TTC7B: variants seen among roughly 807,000 people sequenced by gnomAD.
TTC7B encodes the protein tetratricopeptide repeat protein 7B.
A neutral mutation model predicts 106.8 loss-of-function variants in TTC7B; 28 were observed. The observed-to-expected ratio is 0.26, with a 90% CI of 0.19 to 0.36. TTC7B has a LOEUF of 0.36. TTC7B is among the 10% of genes least tolerant of loss of function. The probability of loss-of-function intolerance (pLI) is 1.00; values close to 1 mark genes in which losing one functional copy is unlikely to be tolerated. For synonymous variants in TTC7B, 405 were observed against 430.6 expected (o/e 0.94, Z 0.74); for missense variants, 862 against 1,076.4 (o/e 0.80, Z 2.79).
chr14:90,631,550 A>G (rs911130236), intron 15 of TTC7B, among the ~76,000 whole-genome samples: 8 of 151,690 alleles, frequency 5.3e-5, no homozygotes, highest in African/African-American at 1.9e-4. Context: ...CTGAGACTAC[A>G]GGCACATGTT....
At chr14:90,731,650 T>C (rs893325785) in intron 4 of TTC7B, among the ~76,000 whole-genome samples, 1 of 152,188 alleles carries the variant, frequency 6.6e-6, no homozygotes, top group African/African-American at 2.4e-5. Flanking sequence ...TCCTCCTCTC[T>C]GGGAACCTCA....
At chr14:90,787,372 C>T (rs774317254) in intron 1 of TTC7B, among the ~76,000 whole-genome samples, 1 of 152,180 alleles carries the variant, frequency 6.6e-6, no homozygotes, top group Non-Finnish European at 1.5e-5. Flanking sequence ...TAAGCATGGT[C>T]TATTTTTCTG....
intron 2 of TTC7B, 41 bp from the exon 3 acceptor site, chr14:90,780,947 T>TAA: frequency 6.3e-7 from 1 of 1,591,532 alleles, no homozygotes; most frequent in Non-Finnish European, 8.6e-7. Flanking sequence ...TTTCCTACAA[T>TAA]ATCAGGCATG....
intron 3 of TTC7B, among the ~76,000 whole-genome samples, chr14:90,774,048 A>G (rs972917041): frequency 2.0e-5 from 3 of 152,234 alleles, no homozygotes. Context: ...GACATCTGTC[A>G]TGGACACTGG....
In TTC7B at chr14:90,577,726, G is replaced by A. The variant is rs1005016651; in HGVS notation, c.2310+380C>T. Among the ~76,000 whole-genome samples the A allele has an allele frequency of 6.6e-6, 1 of 152,188 alleles. No individual in the cohort carries two copies. Among genetic ancestry groups the A allele is most frequent in the Non-Finnish European group, 1.5e-5 (1 of 68,048 alleles). ...CTGACTGTCATCCTGAAGTCTCCCC[G>A]GGATGTGGAAACCCCCGAAGGTGGC... On this transcript the variant is annotated intron_variant, in intron 19 of 19. Transcript: ENST00000328459. The surrounding 1 kb of genome is among the most constrained non-coding windows in gnomAD (Gnocchi z 5.0).
intron 3 of TTC7B, among the ~76,000 whole-genome samples, chr14:90,755,354 G>A (rs541794616): frequency 1.1e-4 from 17 of 152,158 alleles, no homozygotes; most frequent in Non-Finnish European, 2.4e-4. Flanking sequence ...AATATTAAGA[G>A]TGACAATGCA....
chr14:90,718,570 C>T (rs1024863551), intron 5 of TTC7B, among the ~76,000 whole-genome samples: 22 of 152,112 alleles, frequency 1.4e-4, no homozygotes, highest in African/African-American at 5.3e-4. Flanking sequence ...TCCCGCTTTA[C>T]CACAAAGAAA....
At chr14:90,770,222 A>T (rs187804321) in intron 3 of TTC7B, among the ~76,000 whole-genome samples, 1 of 152,380 alleles carries the variant, frequency 6.6e-6, no homozygotes, top group East Asian at 1.9e-4. Context: ...GTAAGAAGAT[A>T]CAACAGTTAT....
chr14:90,722,806 TC>T lies in TTC7B; in HGVS notation c.698+7268del, dbSNP rs201897598. Among the ~76,000 whole-genome samples the T allele has an allele frequency of 3.0e-3, 462 of 152,292 alleles. 4 individuals are homozygous for T. Among genetic ancestry groups the T allele is most frequent in the African/African-American group, 0.01 (434 of 41,552 alleles). On this transcript the variant is annotated intron_variant, in intron 5 of 19. Transcript: ENST00000328459. ...CCACTTCCTCTTTCCTAGCACAGGT[TC>T]CCGTTTTGGCTTTCACAAGGACACA...
intron 16 of TTC7B, among the ~76,000 whole-genome samples, chr14:90,616,820 C>A (rs1893100066): frequency 6.6e-6 from 1 of 152,150 alleles, no homozygotes. Context: ...CCCGCCTCAC[C>A]CTTCGTACTC....
chr14:90,810,204 C>A (rs1003021072), intron 1 of TTC7B, among the ~76,000 whole-genome samples: 2 of 152,168 alleles, frequency 1.3e-5, no homozygotes, highest in Non-Finnish European at 2.9e-5. Flanking sequence ...AATACTGACC[C>A]ATTTTATTAC....
At chr14:90,645,070 G>A (rs374783200) in intron 14 of TTC7B, 7 of 152,170 alleles carry the variant, frequency 4.6e-5, no homozygotes, top group East Asian at 3.9e-4. Context: ...GCTAGATTTC[G>A]AAATAGAGCT....
intron 16 of TTC7B, among the ~76,000 whole-genome samples, chr14:90,613,457 C>T (rs1189876442): frequency 6.6e-6 from 1 of 152,104 alleles, no homozygotes; most frequent in Non-Finnish European, 1.5e-5. Context: ...ATGCTTGAAG[C>T]AATTTTTAGT....
At chr14:90,715,864 A>G (rs1329560812) in intron 5 of TTC7B, among the ~76,000 whole-genome samples, 1 of 152,234 alleles carries the variant, frequency 6.6e-6, no homozygotes, top group Non-Finnish European at 1.5e-5. Flanking sequence ...AATTCTTCTA[A>G]GAAACCTAAT....
intron 4 of TTC7B, among the ~76,000 whole-genome samples, chr14:90,734,627 G>C (rs2139992874): frequency 6.6e-6 from 1 of 152,146 alleles, no homozygotes; most frequent in South Asian, 2.1e-4. Flanking sequence ...TGCTGCTCAG[G>C]CATCATCTCT....
intron 3 of TTC7B, among the ~76,000 whole-genome samples, chr14:90,752,979 C>T (rs117881568): frequency 0.019 from 2,830 of 152,304 alleles, 44 homozygotes; most frequent in Middle Eastern, 0.041. Context: ...TTCCCCAGAT[C>T]GCTGGGCCTC....
chr14:90,585,384 C>T (rs1566783822), intron 18 of TTC7B, among the ~76,000 whole-genome samples: 1 of 152,214 alleles, frequency 6.6e-6, no homozygotes, highest in Non-Finnish European at 1.5e-5. Context: ...GCTGCCTTGA[C>T]ACATCATTCA....
chr14:90,541,001 C>A lies in TTC7B; in HGVS notation c.*367G>T, dbSNP rs1218868160. ...AAAAGGACAGTTGTTTTCTTTACAG[C>A]TCTGATAAAAATAATCTGTGCTGCC... On this transcript the variant is annotated 3_prime_UTR_variant, in exon 20 of 20. Coordinates refer to ENST00000328459, the MANE Select transcript of TTC7B (RefSeq NM_001010854.2). 1 of 205,186 alleles carries A rather than the reference C, an allele frequency of 4.9e-6. No homozygotes were observed. The highest frequency in any genetic ancestry group is 9.7e-6 in the Non-Finnish European group (1 of 103,120). 12.7% of individuals were successfully genotyped at this position (205,186 alleles called of 1,614,324 possible). A position where few individuals can be genotyped will look rare whatever the true frequency, so the allele number is the denominator to read the frequency against.
intron 1 of TTC7B, among the ~76,000 whole-genome samples, chr14:90,789,902 A>AGGTCAGAGTCCAAGGAGATGTT (rs1566889259): frequency 2.1e-5 from 3 of 141,966 alleles, no homozygotes; most frequent in Admixed American, 7.1e-5. Context: ...TCTCAAAAAA[A>AGGTCAGAGTCCAAGGAGATGTT]AAAAAAAAAA....
Sources: gnomAD v4.1 joint callset for allele counts (sites outside exome capture counted in the v4.1 genomes callset) on GRCh38, gnomAD v4.1.1 for gene constraint, Gnocchi (gnomAD v3.1) non-coding constraint, MANE v1.5 for transcripts, NCBI Gene and HGNC (gene_info 2026-07-23, HGNC 2026-07-21) for gene names.